The following SDCBP2 variants were observed in gnomAD, a reference collection of about 807,000 sequenced individuals.
SDCBP2 encodes syndecan binding protein 2.
A neutral mutation model predicts 30.7 loss-of-function variants in SDCBP2; 28 were observed. The ratio of observed to expected loss-of-function variants is 0.91; its 90% CI spans 0.68 to 1.25. The LOEUF is 1.25. Ranked by LOEUF, SDCBP2 falls within the 50% of genes most tolerant of loss-of-function variation. SDCBP2 has a pLI of 0.00. For synonymous variants in SDCBP2, 166 were observed against 157.3 expected, an observed-to-expected ratio of 1.06 and a Z score of -0.41; for missense variants, 399 against 379.0, an observed-to-expected ratio of 1.05 and a Z score of -0.44.
intron 1 of SDCBP2, chr20:1,325,269 T>A (rs567712176): frequency 2.6e-5 from 4 of 152,250 alleles, no homozygotes; most frequent in Non-Finnish European, 5.9e-5. Flanking sequence ...AAGCGACATC[T>A]TCCGGTTGCT....
intron 4 of SDCBP2, among the ~76,000 whole-genome samples, chr20:1,316,455 T>C (rs775271207): frequency 5.3e-5 from 8 of 152,202 alleles, no homozygotes; most frequent in Non-Finnish European, 1.2e-4. Flanking sequence ...AGTGCTGTGA[T>C]CTTGGCTCAC....
chr20:1,312,992 C>T (rs2088702972), intron 5 of SDCBP2: 3 of 597,742 alleles, frequency 5.0e-6, no homozygotes, highest in Non-Finnish European at 8.9e-6. Context: ...GGGCTGCACT[C>T]CGAAACACTC....
At position 1,320,356 on chromosome 20, in the gene SDCBP2, G is replaced by A. The variant is rs138479611; in HGVS notation, c.54+7C>T. The A allele has an allele frequency of 3.9e-3, 6,232 of 1,613,536 alleles. 24 individuals carry two copies. The highest frequency in any genetic ancestry group is 7.4e-3 in the Middle Eastern group (45 of 6,058). ...GGAATCCAGGCCAATGGGGCCTGGCGACTTACCTGAATGGCTTGGTCCACT... is the reference window on the plus strand; with the variant it reads ...GGAATCCAGGCCAATGGGGCCTGGCAACTTACCTGAATGGCTTGGTCCACT... On this transcript the variant is annotated splice_region_variant and intron_variant, in intron 2 of 8. Transcript: ENST00000360779. The surrounding 1 kb of genome is among the most constrained non-coding windows in gnomAD (Gnocchi z 4.7).
intron 4 of SDCBP2, among the ~76,000 whole-genome samples, chr20:1,316,475 C>T (rs2088777993): frequency 6.6e-6 from 1 of 152,116 alleles, no homozygotes; most frequent in African/African-American, 2.4e-5. Flanking sequence ...CTGCAGCTTC[C>T]ACCTCCTGGG....
rs377544717 is a variant in SDCBP2, at chr20:1,313,407, A to T, written c.317T>A (p.Val106Glu). ...GVRRAEIKPG[V>E]REIHLCKDER... ...GTCCTTGCACAGGTGGATCTCGCGC[A>T]CCCCGGGCTTGATCTCAGCTCGCCG... is the stretch of plus-strand genomic sequence containing the variant. Residue 106 changes from valine (V) to glutamate (E), a missense_variant, in exon 5 of 9, where the codon GTG becomes GAG. Coordinates refer to ENST00000360779, the MANE Select transcript of SDCBP2 (RefSeq NM_080489.5). This position sits in a 1 kb window ranked among gnomAD's most constrained non-coding sequence, Gnocchi z 5.2. The T allele has an allele frequency of 1.1e-5, 17 of 1,608,004 alleles. No homozygotes were observed. The African/African-American group carries it at 2.3e-4, about 22-fold the overall frequency.
intron 4 of SDCBP2, among the ~76,000 whole-genome samples, chr20:1,315,323 A>T (rs1205530654): frequency 6.6e-6 from 1 of 152,228 alleles, no homozygotes; most frequent in East Asian, 1.9e-4. Context: ...TGAGGTCAGG[A>T]GTTCAAGACC....
At chr20:1,318,796 G>A (rs2088815363) in intron 3 of SDCBP2, among the ~76,000 whole-genome samples, 1 of 152,168 alleles carries the variant, frequency 6.6e-6, no homozygotes, top group Non-Finnish European at 1.5e-5. Context: ...CTCTCATGCT[G>A]TATCTCTCTC....
At position 1,313,439 on chromosome 20, in the gene SDCBP2, C is replaced by G; in HGVS notation, c.285G>C (p.Leu95=). The G allele has an allele frequency of 6.2e-7, 1 of 1,602,620 alleles. No individual in the cohort carries two copies. Among genetic ancestry groups the G allele is most frequent in the East Asian group, 2.3e-5 (1 of 44,432 alleles). ...QMVAPVTGYS[L]GVRRAEIKPG... Reference sequence around the variant, plus strand: ...GCTTGATCTCAGCTCGCCGCACGCCCAGGCTGTACCCGGTTACCGGTGCCA... The same window carrying G: ...GCTTGATCTCAGCTCGCCGCACGCCGAGGCTGTACCCGGTTACCGGTGCCA... The change falls in exon 5 of 9, where the codon CTG becomes CTC. Residue 95 remains leucine, a synonymous_variant. Coordinates refer to ENST00000360779, the MANE Select transcript of SDCBP2 (RefSeq NM_080489.5). The surrounding 1 kb of genome is among the most constrained non-coding windows in gnomAD (Gnocchi z 5.2).
At chr20:1,328,186 T>C (rs1212069116) in intron 1 of SDCBP2, among the ~76,000 whole-genome samples, 4 of 151,542 alleles carry the variant, frequency 2.6e-5, no homozygotes, top group African/African-American at 9.7e-5. Context: ...GGAGGAGTAG[T>C]GGGGAGGAAG....
At chr20:1,310,684 C>G (rs1056111638) in intron 8 of SDCBP2, 116 bp downstream of exon 8, 6 of 1,063,526 alleles carry the variant, frequency 5.6e-6, no homozygotes, top group Non-Finnish European at 8.5e-6. Flanking sequence ...TGAGCCTGTG[C>G]CCTGTGTCAG....
intron 4 of SDCBP2, chr20:1,317,626 C>T: frequency 6.2e-6 from 1 of 161,056 alleles, no homozygotes. Flanking sequence ...TGTGGATTTC[C>T]TCCTGTCAGA....
chr20:1,312,350 A>G lies in SDCBP2; in HGVS notation c.719T>C (p.Val240Ala). 6.2e-7 allele frequency: 1 copy of G among 1,613,182 alleles called. No homozygotes were observed. Among genetic ancestry groups the G allele is most frequent in the Non-Finnish European group, 8.5e-7 (1 of 1,179,656 alleles). ...HYVCEVDGQN[V>A]IGLKDKKIME... ...CCACCAGCCTACCTTCAGCCCGATA[A>G]CATTCTGCCCGTCCACCTCACACAC... The change falls in exon 7 of 9, where the codon GTT becomes GCT. Residue 240 changes from valine (V) to alanine (A), a missense_variant. Coordinates refer to ENST00000360779, the MANE Select transcript of SDCBP2 (RefSeq NM_080489.5).
In SDCBP2 at chr20:1,320,295, A is replaced by T; in HGVS notation, c.54+68T>A. ...GAATCTCCAAGTGGCCCCAGTACCC[A>T]GCACCTTCCAGGGTAATCCCCAAGG... On this transcript the variant is annotated intron_variant, in intron 2 of 8. Transcript: ENST00000360779. The surrounding 1 kb of genome is among the most constrained non-coding windows in gnomAD (Gnocchi z 4.7). 1 of 1,462,408 alleles carries T rather than the reference A, an allele frequency of 6.8e-7. No homozygotes were observed. Among genetic ancestry groups the T allele is most frequent in the Non-Finnish European group, 9.5e-7 (1 of 1,052,996 alleles). The allele number at this position is 1,462,408 out of a possible 1,614,324, so 90.6% of individuals were successfully genotyped here.
chr20:1,327,026 G>A (rs2122552567), intron 1 of SDCBP2, among the ~76,000 whole-genome samples: 1 of 152,334 alleles, frequency 6.6e-6, no homozygotes, highest in East Asian at 1.9e-4. Flanking sequence ...GAGTTAGGTT[G>A]AAAGGCTGCC....
chr20:1,310,755 T>C (rs1306639878), intron 8 of SDCBP2, 45 bp downstream of exon 8: 1 of 1,523,146 alleles, frequency 6.6e-7, no homozygotes, highest in South Asian at 1.2e-5. Flanking sequence ...GTGAAGGGGA[T>C]GGCAGAGGAG....
intron 1 of SDCBP2, chr20:1,325,725 C>T (rs2088914910): frequency 6.6e-6 from 1 of 152,156 alleles, no homozygotes; most frequent in African/African-American, 2.4e-5. Flanking sequence ...CCAGGTCGGC[C>T]CGCGCGCTCC....
In SDCBP2 at chr20:1,310,641, CT is replaced by C. The variant is rs1413698742; in HGVS notation, c.825-147del. On this transcript the variant is annotated intron_variant, in intron 8 of 8. Coordinates refer to ENST00000360779, the MANE Select transcript of SDCBP2 (RefSeq NM_080489.5). ...CGAATCACCAGAAGCCACAAGCTAC[CT>C]TGGAGGGAGGGGAAGGGAGGATAGA... is the stretch of plus-strand genomic sequence containing the variant. The C allele has an allele frequency of 1.2e-5, 12 of 1,016,764 alleles. No homozygotes were observed. The African/African-American group carries it at 1.6e-4, about 13-fold the overall frequency. 63.0% of individuals were successfully genotyped at this position (1,016,764 alleles called of 1,614,324 possible). A position where few individuals can be genotyped will look rare whatever the true frequency, so the allele number is the denominator to read the frequency against.
chr20:1,312,070 T>G (rs1475968256), intron 7 of SDCBP2, among the ~76,000 whole-genome samples: 2 of 11,616 alleles, frequency 1.7e-4, no homozygotes, highest in Non-Finnish European at 1.3e-3. Flanking sequence ...TGGCTAATTT[T>G]TTAGTTTTTT....
At position 1,312,569 on chromosome 20, in the gene SDCBP2, C is replaced by T. The variant is rs756063473; in HGVS notation, c.560+18G>A. On this transcript the variant is annotated intron_variant, in intron 6 of 8. Transcript: ENST00000360779. ...GGCTGGGGTGAGACGGAGAGGCTGC[C>T]CGGGCCTGGCTACTCACCTGTCCCG... is the stretch of plus-strand genomic sequence containing the variant. 1.9e-6 allele frequency: 3 copies of T among 1,613,218 alleles called. No individual in the cohort carries two copies. The highest frequency in any genetic ancestry group is 2.5e-6 in the Non-Finnish European group (3 of 1,179,384).
Sources: allele counts gnomAD v4.1 joint callset (sites outside exome capture counted in the v4.1 genomes callset), GRCh38; gene constraint gnomAD v4.1.1; non-coding constraint Gnocchi (gnomAD v3.1); transcripts MANE v1.5; gene names NCBI Gene and HGNC (gene_info 2026-07-23, HGNC 2026-07-21).